Variants in RGS13 observed in about 807,000 individuals in gnomAD.
The protein encoded by RGS13 is regulator of G protein signaling 13.
RGS13 carries 14 observed loss-of-function variants against 19.9 expected under a neutral mutation model. The observed-to-expected ratio is 0.70, with a 90% CI of 0.46 to 1.10. The LOEUF (loss-of-function observed/expected upper bound fraction) is 1.10. Ranked by LOEUF, RGS13 falls within the 50% of genes least tolerant of loss-of-function variation. RGS13 has a pLI of 0.00. For synonymous variants in RGS13, 60 were observed against 56.8 expected (o/e 1.06, Z -0.25); for missense variants, 205 against 187.1 (o/e 1.10, Z -0.56).
In RGS13 at chr1:192,644,293, A is replaced by G. The variant is rs182629149; in HGVS notation, c.-4-38A>G. On this transcript the variant is annotated intron_variant, in intron 3 of 6. Coordinates refer to ENST00000391995, the MANE Select transcript of RGS13 (RefSeq NM_002927.5). ...TGACTGTAACATACAATTATTTTAA[A>G]TGATTAAATTATACAAATATATACT... 3.0e-5 allele frequency: 41 copies of G among 1,380,616 alleles called. No individual in the cohort carries two copies. In the Admixed American group the frequency reaches 7.3e-4, roughly 25 times the overall value. The allele number at this position is 1,380,616 out of a possible 1,614,324, so 85.5% of individuals were successfully genotyped here.
intron 5 of RGS13, among the ~76,000 whole-genome samples, chr1:192,653,167 T>A (rs1165555430): frequency 6.6e-6 from 1 of 151,540 alleles, no homozygotes; most frequent in Non-Finnish European, 1.5e-5. Flanking sequence ...TATAAAGAGA[T>A]CTGAAAAATT....
intron 3 of RGS13, among the ~76,000 whole-genome samples, chr1:192,643,499 A>G (rs1418325891): frequency 6.6e-6 from 1 of 152,156 alleles, no homozygotes; most frequent in East Asian, 1.9e-4. Flanking sequence ...TGAATTTTAA[A>G]GTCAAAGTTA....
chr1:192,642,895 T>C (rs79159583), intron 3 of RGS13, among the ~76,000 whole-genome samples: 5,039 of 152,248 alleles, frequency 0.033, 217 homozygotes, highest in East Asian at 0.11. Flanking sequence ...GGTCTCACTC[T>C]GTTGCCCCAG....
chr1:192,657,055 G>A (rs977849873), intron 5 of RGS13, among the ~76,000 whole-genome samples: 31 of 152,202 alleles, frequency 2.0e-4, no homozygotes, highest in African/African-American at 7.5e-4. Context: ...GGAGGTGATA[G>A]ATATGTTTAT....
intron 4 of RGS13, chr1:192,645,730 C>T (rs1196343185): frequency 6.7e-6 from 1 of 149,208 alleles, no homozygotes; most frequent in Non-Finnish European, 1.5e-5. Context: ...CAGCATTAAA[C>T]TTGTGAGAAC....
chr1:192,644,043 C>G (rs1410120818), intron 3 of RGS13, among the ~76,000 whole-genome samples: 2 of 152,100 alleles, frequency 1.3e-5, no homozygotes, highest in Admixed American at 1.3e-4. Flanking sequence ...ATGAAAAGAT[C>G]TTTTTCAGAG....
intron 5 of RGS13, among the ~76,000 whole-genome samples, chr1:192,656,324 C>A (rs1444019879): frequency 1.3e-5 from 2 of 151,918 alleles, no homozygotes; most frequent in African/African-American, 4.8e-5. Context: ...ACTTGTTAAG[C>A]CAGAAACAGC....
chr1:192,644,438 T>C (rs902758154), intron 4 of RGS13, 39 bp downstream of exon 4: 3 of 1,404,260 alleles, frequency 2.1e-6, no homozygotes, highest in Admixed American at 3.5e-5. Context: ...TTGTAAAGCA[T>C]ATTTATCAGA....
chr1:192,657,944 C>T (rs1254986363), intron 5 of RGS13, among the ~76,000 whole-genome samples: 1 of 152,114 alleles, frequency 6.6e-6, no homozygotes, highest in African/African-American at 2.4e-5. Context: ...GACTCATCCA[C>T]ACTGGTGGGC....
Position 192,658,291 on chromosome 1 carries a change from T to C in RGS13, c.218T>C (p.Ile73Thr), listed in dbSNP as rs1663482496. Reference sequence around the variant, plus strand: ...ATGGCATGTGAAACCTATAAGAAAATTGCCTCACGGTGGAGCAGAATTTCT... The same window carrying C: ...ATGGCATGTGAAACCTATAAGAAAACTGCCTCACGGTGGAGCAGAATTTCT... The part of the protein sequence containing the change: ...FWMACETYKK[I>T]ASRWSRISRA... The change falls in exon 6 of 7, where the codon ATT (isoleucine) becomes ACT (threonine). Residue 73 changes from isoleucine to threonine, a missense_variant. Coordinates refer to ENST00000391995, the MANE Select transcript of RGS13 (RefSeq NM_002927.5). The C allele has an allele frequency of 1.9e-6, 3 of 1,613,406 alleles. No individual in the cohort carries two copies. Among genetic ancestry groups the C allele is most frequent in the African/African-American group, 2.7e-5 (2 of 74,838 alleles).
intron 3 of RGS13, among the ~76,000 whole-genome samples, chr1:192,641,347 GAA>G (rs1218821577): frequency 1.3e-4 from 19 of 151,364 alleles, no homozygotes; most frequent in African/African-American, 4.4e-4. Flanking sequence ...AGGAGAGAAA[GAA>G]AGAGAGAGAG....
intron 5 of RGS13, among the ~76,000 whole-genome samples, chr1:192,655,565 T>G (rs906296336): frequency 1.3e-5 from 2 of 152,038 alleles, no homozygotes; most frequent in African/African-American, 4.8e-5. Context: ...TCCATAGCAC[T>G]TTTGCATGTA....
intron 3 of RGS13, among the ~76,000 whole-genome samples, chr1:192,643,467 C>T (rs1024933766): frequency 2.1e-4 from 32 of 151,590 alleles, no homozygotes; most frequent in Non-Finnish European, 5.9e-5. Context: ...TGTAAAGGTG[C>T]CTGAGATGAA....
At chr1:192,644,981 T>G (rs958592385) in intron 4 of RGS13, 3 of 152,342 alleles carry the variant, frequency 2.0e-5, no homozygotes, top group Admixed American at 6.6e-5. Context: ...ACATAGTCCA[T>G]GTCCAGCCCT....
At chr1:192,657,719 T>C (rs1178381909) in intron 5 of RGS13, among the ~76,000 whole-genome samples, 6 of 152,128 alleles carry the variant, frequency 3.9e-5, no homozygotes, top group African/African-American at 1.4e-4. Flanking sequence ...CACTCCAGGG[T>C]GTACAAACTA....
chr1:192,649,558 T>G (rs1466382177), intron 5 of RGS13, among the ~76,000 whole-genome samples: 1 of 152,132 alleles, frequency 6.6e-6, no homozygotes, highest in Admixed American at 6.6e-5. Flanking sequence ...ATATCATTCT[T>G]TTTTCTCTGC....
rs183309818 is a variant in RGS13, at chr1:192,656,002, A to T, written c.128-2199A>T. 1.1e-4 allele frequency among the ~76,000 whole-genome samples: 17 copies of T among 152,242 alleles called. No homozygotes were observed. The East Asian group carries it at 3.3e-3, about 29-fold the overall frequency. Reference sequence around the variant, plus strand: ...TGGCCAGCCCAAAAAAGAAACAGGGATACTTCTTCCAATCCATCAGGAAGA... The same window carrying T: ...TGGCCAGCCCAAAAAAGAAACAGGGTTACTTCTTCCAATCCATCAGGAAGA... On this transcript the variant is annotated intron_variant, in intron 5 of 6. Coordinates refer to ENST00000391995, the MANE Select transcript of RGS13 (RefSeq NM_002927.5).
chr1:192,637,569 T>C (rs1348949553), intron 1 of RGS13, 21 bp from the exon 2 acceptor site: 3 of 151,972 alleles, frequency 2.0e-5, no homozygotes, highest in African/African-American at 4.8e-5. Flanking sequence ...TTGTTTGGTT[T>C]TGTTATTATT....
intron 5 of RGS13, among the ~76,000 whole-genome samples, chr1:192,657,179 G>T (rs1663457703): frequency 6.6e-6 from 1 of 151,926 alleles, no homozygotes; most frequent in African/African-American, 2.4e-5. Flanking sequence ...TCTCTAGGTG[G>T]TTATTACTCA....
Sources: gnomAD v4.1 joint callset for allele counts (sites outside exome capture counted in the v4.1 genomes callset) on GRCh38, gnomAD v4.1.1 for gene constraint, MANE v1.5 for transcripts, NCBI Gene and HGNC (gene_info 2026-07-23, HGNC 2026-07-21) for gene names.